Variants in ZSCAN32 observed in about 807,000 individuals in gnomAD.
ZSCAN32 encodes the protein zinc finger and SCAN domain-containing protein 32.
ZSCAN32 carries 52 observed loss-of-function variants against 47.4 expected under a neutral mutation model. The ratio of observed to expected loss-of-function variants is 1.10; its 90% CI spans 0.88 to 1.38. The LOEUF (loss-of-function observed/expected upper bound fraction) is 1.38. Among genes scored for constraint, ZSCAN32 ranks in the 40% most tolerant of loss-of-function variants. ZSCAN32 has a pLI of 0.00. For synonymous variants in ZSCAN32, 346 were observed against 305.7 expected, an observed-to-expected ratio of 1.13 and a Z score of -1.38; for missense variants, 959 against 846.0, an observed-to-expected ratio of 1.13 and a Z score of -1.66.
In ZSCAN32 at chr16:3,390,142, AC is replaced by A. The variant is rs2032505043; in HGVS notation, c.628-10del. On this transcript the variant is annotated splice_polypyrimidine_tract_variant and intron_variant, in intron 4 of 6. Transcript: ENST00000396852. The stretch of plus-strand genomic sequence containing the variant: ...TCACGCATGGCTGGTCCCTGTAACA[AC>A]ACTGGAGCTGCTGCTACCGATAAAA... 1 of 1,601,348 alleles carries A rather than the reference AC, an allele frequency of 6.2e-7. No individual in the cohort carries two copies. The highest frequency in any genetic ancestry group is 8.5e-7 in the Non-Finnish European group (1 of 1,173,764).
At chr16:3,398,760 C>T (rs1161508081) in intron 1 of ZSCAN32, among the ~76,000 whole-genome samples, 2 of 152,208 alleles carry the variant, frequency 1.3e-5, no homozygotes, top group Admixed American at 1.3e-4. Context: ...CAATTGCTAC[C>T]CTCTCCTCGG....
chr16:3,385,747 A>C (rs2031898677), intron 5 of ZSCAN32, among the ~76,000 whole-genome samples: 1 of 152,230 alleles, frequency 6.6e-6, no homozygotes, highest in Non-Finnish European at 1.5e-5. Context: ...CCATATGTAG[A>C]AAGCTGAAAC....
Position 3,390,421 on chromosome 16 carries a change from AC to A in ZSCAN32, c.627+1del. Reference sequence around the variant, plus strand: ...AGACAGAAGGCATCAACCACAGCTCACCTGGGACCCAGCTGTCCAGACCACA... The same window carrying A: ...AGACAGAAGGCATCAACCACAGCTCACTGGGACCCAGCTGTCCAGACCACA... On this transcript the variant is annotated splice_donor_variant, in intron 4 of 6. Transcript: ENST00000396852. LOFTEE classifies it high-confidence loss of function. The A allele has an allele frequency of 1.3e-6, 2 of 1,548,038 alleles. No homozygotes were observed. Among genetic ancestry groups the A allele is most frequent in the Non-Finnish European group, 1.7e-6 (2 of 1,145,706 alleles).
In ZSCAN32 at chr16:3,382,130, A is replaced by G. The variant is rs2031293213; in HGVS notation, c.*722T>C. On this transcript the variant is annotated 3_prime_UTR_variant, in exon 7 of 7. Transcript: ENST00000396852. ...TTTTCATCAGAAATTAGTAATGTTT[A>G]TAAATTTGTTTATAGTAGTTTGTAA... The G allele has an allele frequency of 6.6e-6, 1 of 152,264 alleles. No individual in the cohort carries two copies. Among genetic ancestry groups the G allele is most frequent in the Non-Finnish European group, 1.5e-5 (1 of 68,052 alleles). The allele number at this position is 152,264 out of a possible 1,614,324, so 9.4% of individuals were successfully genotyped here.
intron 3 of ZSCAN32, among the ~76,000 whole-genome samples, chr16:3,392,629 C>T (rs2032850430): frequency 2.0e-5 from 3 of 152,196 alleles, no homozygotes; most frequent in Middle Eastern, 6.8e-3. Context: ...AGATCGAGAC[C>T]ATCCTGGCTA....
intron 5 of ZSCAN32, among the ~76,000 whole-genome samples, 154 bp downstream of exon 5, chr16:3,389,854 GTC>G (rs897381503): frequency 6.6e-6 from 1 of 152,056 alleles, no homozygotes; most frequent in Non-Finnish European, 1.5e-5. Context: ...CTCTGCCTGT[GTC>G]TCTCTGGCCT....
In ZSCAN32 at chr16:3,397,520, G is replaced by T. The variant is rs1169137921; in HGVS notation, c.38C>A (p.Ser13Tyr). The T allele has an allele frequency of 6.5e-7, 1 of 1,549,588 alleles. No individual in the cohort carries two copies. Among genetic ancestry groups the T allele is most frequent in the African/African-American group, 1.4e-5 (1 of 73,006 alleles). ...GCCCTGTGTGGGATCCTTGTTTGAG[G>T]ATGGGTGTGCCTCGGTACTCTTCAC... is the stretch of plus-strand genomic sequence containing the variant. The part of the protein sequence containing the change: ...AAVKSTEAHP[S>Y]SNKDPTQGQK... Residue 13 changes from serine to tyrosine, a missense_variant, in exon 2 of 7, where the codon TCC becomes TAC. Coordinates refer to ENST00000396852, the MANE Select transcript of ZSCAN32 (RefSeq NM_001284527.2).
intron 3 of ZSCAN32, among the ~76,000 whole-genome samples, chr16:3,391,716 T>TA (rs1413575264): frequency 1.3e-5 from 2 of 151,190 alleles, no homozygotes; most frequent in African/African-American, 2.4e-5. Context: ...TAAAATCTCT[T>TA]AGACAATTTT....
chr16:3,382,883 A>C lies in ZSCAN32; in HGVS notation c.2063T>G (p.Leu688Arg). Residue 688 changes from leucine (L) to arginine (R), a missense_variant, in exon 7 of 7, where the codon CTC becomes CGC. By Grantham distance (102) the Leu-to-Arg change is moderately radical (BLOSUM62 -2). Coordinates refer to ENST00000396852, the MANE Select transcript of ZSCAN32 (RefSeq NM_001284527.2). ...RHQTVHMKAV[L>R]SSQEGRDAL ...CGCATCTCTTCCTTCCTGTGATGAGAGTACTGCTTTCATGTGTACTGTCTG... is the reference window on the plus strand; with the variant it reads ...CGCATCTCTTCCTTCCTGTGATGAGCGTACTGCTTTCATGTGTACTGTCTG... 1.3e-6 allele frequency: 2 copies of C among 1,582,488 alleles called. No individual in the cohort carries two copies. The highest frequency in any genetic ancestry group is 1.7e-6 in the Non-Finnish European group (2 of 1,162,132).
intron 2 of ZSCAN32, among the ~76,000 whole-genome samples, chr16:3,394,072 G>A (rs1297059549): frequency 5.3e-5 from 8 of 152,094 alleles, no homozygotes; most frequent in African/African-American, 1.4e-4. Context: ...AGGCCAGCCT[G>A]GCAACAAGGT....
chr16:3,395,078 C>A (rs891410662), intron 2 of ZSCAN32, among the ~76,000 whole-genome samples: 1 of 152,220 alleles, frequency 6.6e-6, no homozygotes, highest in African/African-American at 2.4e-5. Flanking sequence ...AGGGGCCGTG[C>A]CTGTCCTGTT....
At chr16:3,390,180 T>C (rs1310695489) in intron 4 of ZSCAN32, 47 bp from the exon 5 acceptor site, 4 of 1,536,966 alleles carry the variant, frequency 2.6e-6, no homozygotes, top group Admixed American at 4.0e-5. Flanking sequence ...AGCACCACTC[T>C]AGCCTGGGGT....
chr16:3,388,492 C>T (rs771119045), intron 5 of ZSCAN32, among the ~76,000 whole-genome samples: 4 of 152,196 alleles, frequency 2.6e-5, no homozygotes, highest in South Asian at 2.1e-4. Context: ...CATCTTCTGC[C>T]GCTTACTGAT....
intron 6 of ZSCAN32, chr16:3,384,229 G>A (rs2031646027): frequency 1.6e-6 from 1 of 613,584 alleles, no homozygotes; most frequent in Non-Finnish European, 2.8e-6. Flanking sequence ...GAAACTCCAT[G>A]GGAAAAGATG....
At position 3,389,366 on chromosome 16, in the gene ZSCAN32, C is replaced by T. The variant is rs554236733; in HGVS notation, c.751+644G>A. Among the ~76,000 whole-genome samples the T allele has an allele frequency of 2.2e-4, 34 of 152,304 alleles. No individual in the cohort carries two copies. The South Asian group carries it at 5.2e-3, about 23-fold the overall frequency. On this transcript the variant is annotated intron_variant, in intron 5 of 6. Coordinates refer to ENST00000396852, the MANE Select transcript of ZSCAN32 (RefSeq NM_001284527.2). The stretch of plus-strand genomic sequence containing the variant: ...CCTGGGCTTAGCCAGGAGTACCCTG[C>T]ATGTGAAGCAGCAGAGGAGAAATCT...
At chr16:3,385,599 T>C (rs1362052094) in intron 5 of ZSCAN32, among the ~76,000 whole-genome samples, 3 of 151,872 alleles carry the variant, frequency 2.0e-5, no homozygotes, top group African/African-American at 4.8e-5. Flanking sequence ...AACAGAGAAA[T>C]AGACCAATGG....
In ZSCAN32 at chr16:3,390,529, A is replaced by C. The variant is rs544762984; in HGVS notation, c.533-12T>G. The C allele has an allele frequency of 6.5e-7, 1 of 1,547,224 alleles. No individual in the cohort carries two copies. Among genetic ancestry groups the C allele is most frequent in the Non-Finnish European group, 8.7e-7 (1 of 1,145,904 alleles). ...AGGAGCAAGCCAGGCTGGGGGAAAA[A>C]ACAGCCGCTATTAGAGGGCGGCTTC... is the stretch of plus-strand genomic sequence containing the variant. On this transcript the variant is annotated splice_polypyrimidine_tract_variant and intron_variant, in intron 3 of 6. Transcript: ENST00000396852.
rs1258000038 is a variant in ZSCAN32, at chr16:3,383,594, A to G, written c.1352T>C (p.Leu451Pro). The G allele has an allele frequency of 8.7e-6, 14 of 1,613,956 alleles. No homozygotes were observed. Among genetic ancestry groups the G allele is most frequent in the Non-Finnish European group, 1.2e-5 (14 of 1,180,018 alleles). The change falls in exon 7 of 7, where the codon CTA (leucine) becomes CCA (proline). Residue 451 changes from leucine (L) to proline (P), a missense_variant. Physicochemically the swap from Leu to Pro is moderately conservative, Grantham distance 98. Transcript: ENST00000396852. ...KSRGVYWHSE[L>P]QKGLESEPTS... ...TGGCTCACTCTCCAAGCCTTTTTGT[A>G]GCTCAGAGTGCCAATAAACTCCTCT...
intron 3 of ZSCAN32, among the ~76,000 whole-genome samples, chr16:3,391,583 G>A (rs942605060): frequency 1.3e-5 from 2 of 150,782 alleles, no homozygotes; most frequent in African/African-American, 2.4e-5. Context: ...GGACGCTGAG[G>A]CAAGAGAATC....
Sources: allele counts gnomAD v4.1 joint callset (sites outside exome capture counted in the v4.1 genomes callset), GRCh38; gene constraint gnomAD v4.1.1; transcripts MANE v1.5; gene names NCBI Gene and HGNC (gene_info 2026-07-23, HGNC 2026-07-21).